The following LRRC4C variants were observed in gnomAD, a reference collection of about 807,000 sequenced individuals.
LRRC4C encodes leucine-rich repeat-containing protein 4C.
A neutral mutation model predicts 33.6 loss-of-function variants in LRRC4C; 5 were observed. The ratio of observed to expected loss-of-function variants is 0.15; its 90% confidence interval spans 0.08 to 0.31. The LOEUF (loss-of-function observed/expected upper bound fraction) is 0.31. Among genes scored for constraint, LRRC4C ranks in the 10% least tolerant of loss-of-function variants. The pLI is 1.00. For missense variants in LRRC4C, 560 were observed against 796.7 expected (o/e 0.70, Z 3.58); for synonymous variants, 329 against 302.0 (o/e 1.09, Z -0.93).
intron 1 of LRRC4C, among the ~76,000 whole-genome samples, chr11:41,116,929 T>C (rs927115913): frequency 1.3e-5 from 2 of 152,284 alleles, no homozygotes; most frequent in African/African-American, 4.8e-5. Flanking sequence ...CCATAGGCCA[T>C]GCCCTTTGCA....
At chr11:40,442,077 G>A (rs1343626275) in intron 3 of LRRC4C, among the ~76,000 whole-genome samples, 2 of 150,142 alleles carry the variant, frequency 1.3e-5, no homozygotes, top group African/African-American at 2.5e-5. Flanking sequence ...GCAGGAGAAC[G>A]GTGTGAACCC....
chr11:40,362,173 T>A (rs1382971439), intron 3 of LRRC4C, among the ~76,000 whole-genome samples: 1 of 152,080 alleles, frequency 6.6e-6, no homozygotes, highest in Admixed American at 6.6e-5. Context: ...GGAAACAATA[T>A]AGGCAATACC....
rs957531471 is a variant in LRRC4C at position 41,331,140 on chromosome 11, TAAAC to T, written c.-496+128287_-496+128290del. ...TTGAAGTCCTGAGCTGAAGAAAAAA[TAAAC>T]AAACACAAATCCAAAAATAATTACA... On this transcript the variant is annotated intron_variant, in intron 1 of 6. Transcript: ENST00000528697. Among the ~76,000 whole-genome samples, 58 of 152,092 alleles carry T rather than the reference TAAAC, an allele frequency of 3.8e-4. 1 individual carries two copies. Among genetic ancestry groups the T allele is most frequent in the Non-Finnish European group, 2.1e-4 (14 of 68,008 alleles).
At chr11:41,004,369 G>A (rs1854586408) in intron 1 of LRRC4C, among the ~76,000 whole-genome samples, 1 of 152,090 alleles carries the variant, frequency 6.6e-6, no homozygotes. Context: ...TGGTTGGTAG[G>A]AAGTACATCA....
chr11:40,955,429 T>C (rs571313073), intron 1 of LRRC4C, among the ~76,000 whole-genome samples: 44 of 151,716 alleles, frequency 2.9e-4, no homozygotes, highest in Admixed American at 1.7e-3. Flanking sequence ...TCTTCATCAC[T>C]GGGGGGGAAA....
chr11:40,921,002 C>T (rs776359874), intron 2 of LRRC4C, among the ~76,000 whole-genome samples: 1 of 151,286 alleles, frequency 6.6e-6, no homozygotes, highest in African/African-American at 2.4e-5. Flanking sequence ...CTCACTGCAG[C>T]GTCAGTTTCC....
chr11:41,129,338 A>ATGT (rs1389939194), intron 1 of LRRC4C, among the ~76,000 whole-genome samples: 5 of 151,962 alleles, frequency 3.3e-5, no homozygotes, highest in African/African-American at 1.2e-4. Flanking sequence ...GTGGAAGTAT[A>ATGT]TGTTACTTTT....
chr11:40,179,377 C>A (rs2135504395), intron 5 of LRRC4C, among the ~76,000 whole-genome samples: 1 of 152,154 alleles, frequency 6.6e-6, no homozygotes, highest in African/African-American at 2.4e-5. Context: ...CTTGTTGAGT[C>A]CTCACTGAAA....
intron 1 of LRRC4C, among the ~76,000 whole-genome samples, chr11:41,028,995 T>G (rs1391031177): frequency 6.6e-6 from 1 of 151,800 alleles, no homozygotes; most frequent in Non-Finnish European, 1.5e-5. Flanking sequence ...CACGTATATA[T>G]GTCTTCATAT....
intron 1 of LRRC4C, among the ~76,000 whole-genome samples, chr11:41,252,030 A>T (rs1331506776): frequency 6.6e-6 from 1 of 152,246 alleles, no homozygotes; most frequent in Non-Finnish European, 1.5e-5. Context: ...GAACAGCAAT[A>T]TAAAGAAATA....
At chr11:41,247,005 G>A (rs1207278362) in intron 1 of LRRC4C, among the ~76,000 whole-genome samples, 1 of 152,160 alleles carries the variant, frequency 6.6e-6, no homozygotes, top group Non-Finnish European at 1.5e-5. Context: ...CACCCCACCG[G>A]GTGAAGGTAG....
At chr11:41,198,381 CT>C (rs35709013) in intron 1 of LRRC4C, among the ~76,000 whole-genome samples, 1 of 151,874 alleles carries the variant, frequency 6.6e-6, no homozygotes, top group South Asian at 2.1e-4. Context: ...AAATTATCTC[CT>C]TTTTTCAGAA....
At chr11:41,105,697 G>A (rs1941453516) in intron 1 of LRRC4C, among the ~76,000 whole-genome samples, 1 of 152,002 alleles carries the variant, frequency 6.6e-6, no homozygotes, top group Non-Finnish European at 1.5e-5. Flanking sequence ...AGACTGAGAA[G>A]CAACTACAAC....
chr11:40,559,181 C>CTT (rs71060968), intron 3 of LRRC4C, among the ~76,000 whole-genome samples: 4 of 124,642 alleles, frequency 3.2e-5, no homozygotes, highest in African/African-American at 5.8e-5. Flanking sequence ...TTGCATGCGT[C>CTT]TTTTTTTTTT....
At chr11:40,264,880 C>T (rs952308812) in intron 4 of LRRC4C, among the ~76,000 whole-genome samples, 1 of 152,156 alleles carries the variant, frequency 6.6e-6, no homozygotes, top group Non-Finnish European at 1.5e-5. Flanking sequence ...ACAGATCATC[C>T]ATTTCTACAT....
At chr11:41,401,554 G>T (rs1247173210) in intron 1 of LRRC4C, among the ~76,000 whole-genome samples, 1 of 151,806 alleles carries the variant, frequency 6.6e-6, no homozygotes, top group Non-Finnish European at 1.5e-5. Context: ...AATGCAATAG[G>T]CCAGTCATGG....
At chr11:41,013,529 GA>G (rs1243217902) in intron 1 of LRRC4C, among the ~76,000 whole-genome samples, 2 of 152,072 alleles carry the variant, frequency 1.3e-5, no homozygotes, top group Non-Finnish European at 1.5e-5. Context: ...AGTCTTCAAA[GA>G]AAAAACCCTG....
chr11:40,114,641 C>T lies in LRRC4C; in HGVS notation c.1652G>A (p.Arg551Lys). Residue 551 changes from arginine to lysine, a missense_variant, in exon 7 of 7, where the codon AGG (arginine) becomes AAG (lysine). Arg to Lys is a conservative substitution (Grantham distance 26, BLOSUM62 2). Around this residue, in one of 3 missense-constraint regions of LRRC4C, gnomAD observed 103 missense variants for 132.1 expected, o/e 0.78. Transcript: ENST00000528697. Reference protein sequence around the residue: ...AVMLVIFYKMRKQHHRQNHHA... With the variant: ...AVMLVIFYKMKKQHHRQNHHA... The stretch of plus-strand genomic sequence containing the variant: ...ATGGTTTTGCCGATGGTGCTGCTTC[C>T]TCATCTTGTAGAAAATGACCAGCAT... The T allele has an allele frequency of 6.2e-7, 1 of 1,614,106 alleles. No homozygotes were observed.
chr11:41,385,262 T>A (rs993571448), intron 1 of LRRC4C, among the ~76,000 whole-genome samples: 2 of 151,480 alleles, frequency 1.3e-5, no homozygotes, highest in Non-Finnish European at 1.5e-5. Flanking sequence ...CTTGCTTTAA[T>A]GAATTAATAT....
Sources: allele counts gnomAD v4.1 joint callset (sites outside exome capture counted in the v4.1 genomes callset), GRCh38; gene constraint gnomAD v4.1.1; regional missense constraint gnomAD v4.1.1; transcripts MANE v1.5; gene names NCBI Gene and HGNC (gene_info 2026-07-23, HGNC 2026-07-21).